Variants in GUCY1A2 observed in about 807,000 individuals in gnomAD.
GUCY1A2 encodes the protein guanylate cyclase soluble subunit alpha-2.
GUCY1A2 carries 27 observed loss-of-function variants against 63.5 expected under a neutral mutation model. The ratio of observed to expected loss-of-function variants is 0.43; its 90% confidence interval spans 0.31 to 0.59. The LOEUF is 0.59. GUCY1A2 is among the 20% of genes least tolerant of loss of function. The probability of loss-of-function intolerance (pLI) is 0.11; values close to 1 mark genes in which losing one functional copy is unlikely to be tolerated. For missense variants in GUCY1A2, 768 were observed against 913.3 expected, an observed-to-expected ratio of 0.84 and a Z score of 2.05; for synonymous variants, 364 against 343.5, an observed-to-expected ratio of 1.06 and a Z score of -0.66.
At chr11:106,799,913 C>T (rs1222882451) in intron 5 of GUCY1A2, among the ~76,000 whole-genome samples, 1 of 152,150 alleles carries the variant, frequency 6.6e-6, no homozygotes, top group Non-Finnish European at 1.5e-5. Context: ...AACTAAAGAG[C>T]TTCTGCACAG....
In GUCY1A2 at chr11:106,855,187, A is replaced by G. The variant is rs570533664; in HGVS notation, c.1207-44709T>C. Among the ~76,000 whole-genome samples the G allele has an allele frequency of 3.3e-5, 5 of 151,942 alleles. No homozygotes were observed. In the East Asian group the frequency reaches 7.8e-4, roughly 24 times the overall value. ...TCTCTGCAACAATTCACTTGCACAG[A>G]CCCTAGGCAGCTCCCTGTACTAGGC... On this transcript the variant is annotated intron_variant, in intron 4 of 7. Transcript: ENST00000526355.
chr11:106,975,217 T>G (rs1347560103), intron 3 of GUCY1A2, among the ~76,000 whole-genome samples: 1 of 152,130 alleles, frequency 6.6e-6, no homozygotes, highest in Non-Finnish European at 1.5e-5. Flanking sequence ...TACAACACTA[T>G]GTAAACCCAA....
At position 106,939,447 on chromosome 11, in the gene GUCY1A2, C is replaced by T. The variant is rs757981540; in HGVS notation, c.1206+13G>A. 1 of 1,348,868 alleles carries T rather than the reference C, an allele frequency of 7.4e-7. No individual in the cohort carries two copies. Among genetic ancestry groups the T allele is most frequent in the South Asian group, 1.2e-5 (1 of 83,182 alleles). The allele number at this position is 1,348,868 out of a possible 1,614,324, so 83.6% of individuals were successfully genotyped here. A position where few individuals can be genotyped will look rare whatever the true frequency, so the allele number is the denominator to read the frequency against. On this transcript the variant is annotated intron_variant, in intron 4 of 7. Transcript: ENST00000526355. Reference sequence around the variant, plus strand: ...TCTAGTTCCCATCACCATCTCAAGTCCATAGCACTTACCTTGTCTTTATTT... The same window carrying T: ...TCTAGTTCCCATCACCATCTCAAGTTCATAGCACTTACCTTGTCTTTATTT...
chr11:106,782,763 A>AACAC (rs148195068), intron 5 of GUCY1A2, among the ~76,000 whole-genome samples: 10 of 151,746 alleles, frequency 6.6e-5, no homozygotes, highest in South Asian at 4.2e-4. Context: ...AGGAAACACA[A>AACAC]ACACACACAC....
chr11:106,695,664 A>G (rs1862704403), intron 7 of GUCY1A2, among the ~76,000 whole-genome samples: 1 of 152,152 alleles, frequency 6.6e-6, no homozygotes, highest in African/African-American at 2.4e-5. Flanking sequence ...GATAGGTCCA[A>G]TGGAACTGTT....
At chr11:106,957,854 A>AC (rs1861007780) in intron 3 of GUCY1A2, among the ~76,000 whole-genome samples, 1 of 95,912 alleles carries the variant, frequency 1.0e-5, no homozygotes, top group Non-Finnish European at 2.0e-5. Context: ...AAAGGGACAA[A>AC]CTTTTTTTTT....
At chr11:106,926,647 C>T (rs1482754907) in intron 4 of GUCY1A2, among the ~76,000 whole-genome samples, 3 of 151,748 alleles carry the variant, frequency 2.0e-5, no homozygotes, top group Non-Finnish European at 2.9e-5. Context: ...AGGCTCCGAA[C>T]ACATTTTTTA....
intron 4 of GUCY1A2, among the ~76,000 whole-genome samples, chr11:106,817,747 G>T (rs1156827636): frequency 6.6e-6 from 1 of 151,964 alleles, no homozygotes; most frequent in Non-Finnish European, 1.5e-5. Flanking sequence ...TGAAAAAAAT[G>T]TCCAACATCA....
intron 4 of GUCY1A2, among the ~76,000 whole-genome samples, chr11:106,835,420 TATATG>T (rs1053420835): frequency 4.6e-5 from 7 of 151,522 alleles, no homozygotes; most frequent in African/African-American, 1.7e-4. Flanking sequence ...GATCAAGTAA[TATATG>T]ATATAGAATG....
chr11:106,797,825 A>G (rs1376828416), intron 5 of GUCY1A2, among the ~76,000 whole-genome samples: 1 of 152,178 alleles, frequency 6.6e-6, no homozygotes, highest in Non-Finnish European at 1.5e-5. Context: ...GGAAAGATCT[A>G]AAATTGACAC....
At chr11:106,792,385 CAAAAAA>C (rs60149576) in intron 5 of GUCY1A2, among the ~76,000 whole-genome samples, 1 of 84,828 alleles carries the variant, frequency 1.2e-5, no homozygotes. Context: ...GACTCCATCT[CAAAAAA>C]AAAAAAAAAA....
chr11:106,787,785 T>C (rs1049473000), intron 5 of GUCY1A2, among the ~76,000 whole-genome samples: 4 of 151,834 alleles, frequency 2.6e-5, no homozygotes, highest in African/African-American at 9.7e-5. Flanking sequence ...CATTTGTCTG[T>C]TGATGGACAC....
intron 4 of GUCY1A2, among the ~76,000 whole-genome samples, chr11:106,825,772 T>A (rs1279646191): frequency 6.6e-6 from 1 of 152,016 alleles, no homozygotes; most frequent in Non-Finnish European, 1.5e-5. Context: ...TAAAAAAAAA[T>A]TGCAAGAAAA....
At chr11:106,907,439 T>A (rs563801631) in intron 4 of GUCY1A2, among the ~76,000 whole-genome samples, 136 of 152,182 alleles carry the variant, frequency 8.9e-4, no homozygotes, top group African/African-American at 3.1e-3. Flanking sequence ...AGTTTTAGGG[T>A]ACATGTGCAC....
intron 4 of GUCY1A2, among the ~76,000 whole-genome samples, chr11:106,839,780 G>A (rs1335659822): frequency 6.8e-6 from 1 of 147,312 alleles, no homozygotes; most frequent in East Asian, 2.0e-4. Flanking sequence ...AACACCACAT[G>A]TTCTCACTCA....
chr11:106,877,593 G>C (rs1859767336), intron 4 of GUCY1A2, among the ~76,000 whole-genome samples: 2 of 151,966 alleles, frequency 1.3e-5, no homozygotes, highest in South Asian at 4.1e-4. Context: ...ACTGAAACTG[G>C]ACCCTTCCTT....
At chr11:106,935,818 G>A (rs1483629664) in intron 4 of GUCY1A2, among the ~76,000 whole-genome samples, 4 of 149,414 alleles carry the variant, frequency 2.7e-5, no homozygotes, top group Non-Finnish European at 4.4e-5. Flanking sequence ...CTGCACTCCA[G>A]CCTGGGTGAG....
rs1353261746 is a variant in GUCY1A2 at position 106,786,672 on chromosome 11, G to A, written c.1693-10090C>T. ...ATTTCATTCTAAATCATTGTTAGAT[G>A]TGGGCAATTCAAAATTTCTTTCTGA... On this transcript the variant is annotated intron_variant, in intron 5 of 7. Transcript: ENST00000526355. 2.6e-5 allele frequency among the ~76,000 whole-genome samples: 4 copies of A among 152,276 alleles called. No individual in the cohort carries two copies. The East Asian group carries it at 5.8e-4, about 22-fold the overall frequency.
At chr11:107,012,137 C>A (rs763159848) in intron 1 of GUCY1A2, among the ~76,000 whole-genome samples, 2 of 151,964 alleles carry the variant, frequency 1.3e-5, no homozygotes, top group African/African-American at 2.4e-5. Flanking sequence ...ATGTTTGGAT[C>A]TGCAATTTTT....
Sources: allele counts gnomAD v4.1 joint callset (sites outside exome capture counted in the v4.1 genomes callset), GRCh38; gene constraint gnomAD v4.1.1; transcripts MANE v1.5; gene names NCBI Gene and HGNC (gene_info 2026-07-23, HGNC 2026-07-21).